The following TSNAX variants were observed in gnomAD, a reference collection of about 807,000 sequenced individuals.
TSNAX encodes translin-associated protein X.
TSNAX carries 12 observed loss-of-function variants against 33.0 expected under a neutral mutation model. The ratio of observed to expected loss-of-function variants is 0.36; its 90% CI spans 0.23 to 0.59. The LOEUF (loss-of-function observed/expected upper bound fraction) is 0.59, where lower values mean the gene tolerates loss of function less well. TSNAX is among the 20% of genes least tolerant of loss of function. The probability of loss-of-function intolerance (pLI) is 0.74; values close to 1 mark genes in which losing one functional copy is unlikely to be tolerated. For missense variants in TSNAX, 267 were observed against 341.3 expected, an observed-to-expected ratio of 0.78 and a Z score of 1.72; for synonymous variants, 110 against 117.2, an observed-to-expected ratio of 0.94 and a Z score of 0.40.
chr1:231,530,572 A>G (rs567596275), intron 2 of TSNAX, among the ~76,000 whole-genome samples: 2 of 152,126 alleles, frequency 1.3e-5, no homozygotes, highest in Non-Finnish European at 2.9e-5. Context: ...AAATACAAAA[A>G]ATTAGCCGGG....
intron 4 of TSNAX, among the ~76,000 whole-genome samples, chr1:231,551,984 C>T (rs1219407661): frequency 6.6e-6 from 1 of 151,590 alleles, no homozygotes; most frequent in Non-Finnish European, 1.5e-5. Context: ...AGAGCAAGAT[C>T]ATGTCTCTTT....
At chr1:231,539,721 C>A (rs1659432344) in intron 3 of TSNAX, among the ~76,000 whole-genome samples, 2 of 152,194 alleles carry the variant, frequency 1.3e-5, no homozygotes, top group African/African-American at 4.8e-5. Context: ...TAGCCTCTAT[C>A]AACTAGCAGA....
At chr1:231,531,349 A>G (rs1658702013) in intron 2 of TSNAX, among the ~76,000 whole-genome samples, 1 of 152,236 alleles carries the variant, frequency 6.6e-6, no homozygotes, top group South Asian at 2.1e-4. Flanking sequence ...GGTGACCAAC[A>G]TGAAATATTT....
At chr1:231,545,119 T>A (rs537152433) in intron 4 of TSNAX, among the ~76,000 whole-genome samples, 1 of 152,340 alleles carries the variant, frequency 6.6e-6, no homozygotes, top group Admixed American at 6.5e-5. Context: ...AAGAGGTGTC[T>A]AGGACCGAAA....
chr1:231,547,686 C>T (rs148662881), intron 4 of TSNAX, among the ~76,000 whole-genome samples: 236 of 148,856 alleles, frequency 1.6e-3, no homozygotes, highest in African/African-American at 5.4e-3. Flanking sequence ...CCACCGTGCC[C>T]AGCCAATTTG....
intron 4 of TSNAX, among the ~76,000 whole-genome samples, chr1:231,545,633 T>G (rs1354848517): frequency 6.6e-6 from 1 of 152,224 alleles, no homozygotes; most frequent in East Asian, 1.9e-4. Flanking sequence ...GTTTTTTTCT[T>G]AAGTTTAGTT....
At chr1:231,544,856 T>C (rs1659802456) in intron 4 of TSNAX, among the ~76,000 whole-genome samples, 1 of 152,198 alleles carries the variant, frequency 6.6e-6, no homozygotes, top group Non-Finnish European at 1.5e-5. Flanking sequence ...AGATAGGACA[T>C]TAAGAAAATG....
At chr1:231,535,547 C>T (rs1335290178) in intron 2 of TSNAX, 1 of 152,036 alleles carries the variant, frequency 6.6e-6, no homozygotes, top group Non-Finnish European at 1.5e-5. Context: ...AAAAAGTTTA[C>T]CAAGGTAAAA....
intron 2 of TSNAX, chr1:231,536,555 G>A (rs1332456709): frequency 6.6e-6 from 1 of 152,202 alleles, no homozygotes; most frequent in Non-Finnish European, 1.5e-5. Context: ...GAATTTGTGA[G>A]CTGCTGTGCG....
At chr1:231,558,020 G>A (rs1660800927) in intron 4 of TSNAX, among the ~76,000 whole-genome samples, 1 of 152,088 alleles carries the variant, frequency 6.6e-6, no homozygotes, top group African/African-American at 2.4e-5. Context: ...TAGGGCGGAG[G>A]CAGAGCACCC....
chr1:231,559,357 C>A (rs537595170), intron 4 of TSNAX, among the ~76,000 whole-genome samples: 3 of 149,054 alleles, frequency 2.0e-5, no homozygotes, highest in Admixed American at 6.8e-5. Flanking sequence ...GAGATGGAAT[C>A]TTGCTCTGTT....
intron 3 of TSNAX, among the ~76,000 whole-genome samples, chr1:231,541,541 T>G (rs957471394): frequency 6.6e-6 from 1 of 152,224 alleles, no homozygotes; most frequent in African/African-American, 2.4e-5. Flanking sequence ...CTTTTGTTGT[T>G]TCCACAATAT....
chr1:231,547,630 A>T (rs1660016274), intron 4 of TSNAX, among the ~76,000 whole-genome samples: 1 of 151,880 alleles, frequency 6.6e-6, no homozygotes, highest in Non-Finnish European at 1.5e-5. Context: ...ACCTCAACTG[A>T]TCCACCCACA....
intron 2 of TSNAX, chr1:231,536,977 C>T (rs865868643): frequency 2.7e-5 from 7 of 261,238 alleles, no homozygotes; most frequent in African/African-American, 1.6e-4. Context: ...GGACTACAGG[C>T]ACATGCCACC....
At chr1:231,547,389 C>CTTTTTTTTTTTTTTTTTTTTTTGTTT (rs71179784) in intron 4 of TSNAX, among the ~76,000 whole-genome samples, 1 of 104,692 alleles carries the variant, frequency 9.6e-6, no homozygotes, top group Non-Finnish European at 1.9e-5. Context: ...TTTTTTTTTT[C>CTTTTTTTTTTTTTTTTTTTTTTGTTT]TTTTTTTTTT....
At chr1:231,560,406 T>TTCCC (rs1661003604) in intron 4 of TSNAX, among the ~76,000 whole-genome samples, 39 of 32,046 alleles carry the variant, frequency 1.2e-3, no homozygotes, top group East Asian at 2.7e-3. Flanking sequence ...TTTTCTTTTC[T>TTCCC]CCCCCCCCCC....
chr1:231,534,705 A>G (rs1659042294), intron 2 of TSNAX: 1 of 152,152 alleles, frequency 6.6e-6, no homozygotes, highest in Admixed American at 6.6e-5. Flanking sequence ...GAGATTGCAT[A>G]CCCTTAGTAC....
intron 4 of TSNAX, among the ~76,000 whole-genome samples, chr1:231,557,216 G>A (rs1326271055): frequency 1.3e-5 from 2 of 152,086 alleles, no homozygotes; most frequent in Non-Finnish European, 1.5e-5. Context: ...AAGTTTAAGG[G>A]CAGCAAGGTT....
intron 5 of TSNAX, among the ~76,000 whole-genome samples, chr1:231,562,160 T>C (rs1018732662): frequency 6.7e-6 from 1 of 148,548 alleles, no homozygotes. Context: ...ATTTAAATAA[T>C]TGTTTAAATA....
Sources: gnomAD v4.1 joint callset for allele counts (sites outside exome capture counted in the v4.1 genomes callset) on GRCh38, gnomAD v4.1.1 for gene constraint, MANE v1.5 for transcripts, NCBI Gene and HGNC (gene_info 2026-07-23, HGNC 2026-07-21) for gene names.